The following SPMIP2 variants were observed in gnomAD, a reference collection of about 807,000 sequenced individuals.
SPMIP2 encodes the protein sperm microtubule inner protein 2, also known as protein SPMIP2.
the SPMIP2 span, among the ~76,000 whole-genome samples, chr4:158,995,070 CTT>C: frequency 1.3e-5 from 2 of 152,112 alleles, no homozygotes; most frequent in Non-Finnish European, 2.9e-5. Context: ...AAATGATAAA[CTT>C]TCTCATTTTT....
At chr4:158,979,789 GTTT>G in the SPMIP2 span, among the ~76,000 whole-genome samples, 1,402 of 104,404 alleles carry the variant, frequency 0.013, 37 homozygotes, top group African/African-American at 0.054. Flanking sequence ...AGTTGCAAGA[GTTT>G]TTTTTTTTTT....
chr4:159,075,803 T>A, the SPMIP2 span, among the ~76,000 whole-genome samples: 402 of 151,908 alleles, frequency 2.6e-3, 6 homozygotes, highest in Admixed American at 0.019. Flanking sequence ...TTTTTTTTTT[T>A]AAATTCTGAA....
At chr4:159,032,110 TAC>T in the SPMIP2 span, among the ~76,000 whole-genome samples, 2 of 151,956 alleles carry the variant, frequency 1.3e-5, no homozygotes, top group Non-Finnish European at 2.9e-5. Context: ...TAATTCCAGC[TAC>T]TTAGGAGGCT....
At chr4:158,963,305 G>C in the SPMIP2 span, among the ~76,000 whole-genome samples, 3 of 151,526 alleles carry the variant, frequency 2.0e-5, no homozygotes, top group Non-Finnish European at 4.4e-5. Context: ...TTGTTTGTTT[G>C]TTTTGTTTGT....
the SPMIP2 span, among the ~76,000 whole-genome samples, chr4:158,911,347 C>CAAATAAATAAATAAAT: frequency 0.06 from 8,413 of 141,238 alleles, 291 homozygotes; most frequent in African/African-American, 0.083. Flanking sequence ...GACTCCGTCT[C>CAAATAAATAAATAAAT]AAATAAATAA....
At chr4:158,945,857 C>G in the SPMIP2 span, among the ~76,000 whole-genome samples, 168 of 152,120 alleles carry the variant, frequency 1.1e-3, 1 homozygote, top group Non-Finnish European at 1.9e-3. Flanking sequence ...TTTCTGTAGT[C>G]TTCTGTTCAG....
the SPMIP2 span, among the ~76,000 whole-genome samples, chr4:158,981,940 T>A: frequency 3.3e-5 from 5 of 151,184 alleles, no homozygotes; most frequent in African/African-American, 1.2e-4. Flanking sequence ...GAAAGCTGGA[T>A]AAAGAGTCAA....
the SPMIP2 span, among the ~76,000 whole-genome samples, chr4:159,041,009 C>G: frequency 2.7e-3 from 418 of 152,294 alleles, no homozygotes; most frequent in African/African-American, 9.3e-3. Context: ...TTGGTCTCAT[C>G]ATGCTTCCCC....
At chr4:159,007,741 T>G in the SPMIP2 span, 1 of 642,706 alleles carries the variant, frequency 1.6e-6, no homozygotes. Flanking sequence ...GTGCTGGACT[T>G]CGGGGCCTTC....
the SPMIP2 span, among the ~76,000 whole-genome samples, chr4:158,929,170 A>T: frequency 6.6e-6 from 1 of 152,156 alleles, no homozygotes; most frequent in Non-Finnish European, 1.5e-5. Context: ...GCATGTCATC[A>T]TGCGTGGTTA....
the SPMIP2 span, among the ~76,000 whole-genome samples, chr4:158,898,870 T>C: frequency 2.6e-5 from 4 of 152,214 alleles, no homozygotes; most frequent in Non-Finnish European, 5.9e-5. Context: ...TCCAATACTA[T>C]GTTGAATAGT....
the SPMIP2 span, among the ~76,000 whole-genome samples, chr4:159,003,012 A>G: frequency 1.3e-5 from 2 of 152,156 alleles, no homozygotes; most frequent in African/African-American, 4.8e-5. Context: ...ATGAAAGCAC[A>G]TTTATGATCA....
At chr4:159,056,257 G>A in the SPMIP2 span, among the ~76,000 whole-genome samples, 1,413 of 152,270 alleles carry the variant, frequency 9.3e-3, 26 homozygotes, top group African/African-American at 0.032. Flanking sequence ...CTGTTTCTTT[G>A]ACAGATTTGT....
chr4:158,990,523 T>C, the SPMIP2 span, among the ~76,000 whole-genome samples: 3 of 151,948 alleles, frequency 2.0e-5, no homozygotes, highest in Non-Finnish European at 4.4e-5. Context: ...ATAAAGAAAA[T>C]GTGCCACATA....
chr4:158,921,077 T>C, the SPMIP2 span, among the ~76,000 whole-genome samples: 6 of 152,216 alleles, frequency 3.9e-5, no homozygotes, highest in African/African-American at 1.4e-4. Flanking sequence ...GTTGAAATAT[T>C]GGGGGCAGGT....
chr4:158,925,326 T>G, the SPMIP2 span, among the ~76,000 whole-genome samples: 1 of 152,248 alleles, frequency 6.6e-6, no homozygotes, highest in African/African-American at 2.4e-5. Context: ...TTGTTGGAAT[T>G]GTTCGCAGTA....
chr4:158,957,320 A>G, the SPMIP2 span, among the ~76,000 whole-genome samples: 42,987 of 151,980 alleles, frequency 0.28, 6,666 homozygotes, highest in South Asian at 0.4. Flanking sequence ...TACTCTCCCC[A>G]TTGCTTTCTA....
At chr4:158,899,084 G>A in the SPMIP2 span, among the ~76,000 whole-genome samples, 1 of 152,160 alleles carries the variant, frequency 6.6e-6, no homozygotes. Flanking sequence ...GGCCTTTTCT[G>A]CATCTATTGA....
the SPMIP2 span, among the ~76,000 whole-genome samples, chr4:158,948,763 C>T: frequency 8.6e-5 from 13 of 151,944 alleles, no homozygotes; most frequent in African/African-American, 2.9e-4. Context: ...CGCCACCATG[C>T]CCAGCTAATT....
Sources: gnomAD v4.1 joint callset for allele counts (sites outside exome capture counted in the v4.1 genomes callset) on GRCh38, gnomAD v4.1.1 for gene constraint, MANE v1.5 for transcripts, NCBI Gene and HGNC (gene_info 2026-07-23, HGNC 2026-07-21) for gene names.